The following MICAL2 variants were observed in gnomAD, a reference collection of about 807,000 sequenced individuals.
MICAL2 encodes [F-actin]-monooxygenase MICAL2.
Under a neutral mutation model 127.3 loss-of-function variants are expected in MICAL2, and 77 were observed. The observed-to-expected ratio is 0.60, with a 90% confidence interval of 0.50 to 0.73. MICAL2 has a LOEUF of 0.73. Among genes scored for constraint, MICAL2 ranks in the 30% least tolerant of loss-of-function variants. The pLI, the probability that MICAL2 is intolerant of heterozygous loss-of-function variation, is 0.00. For synonymous variants in MICAL2, 570 were observed against 551.1 expected (o/e 1.03, Z -0.48); for missense variants, 1,351 against 1,434.4 (o/e 0.94, Z 0.94).
At position 12,262,498 on chromosome 11, in the gene MICAL2, T is replaced by C. The variant is rs1216039570; in HGVS notation, c.3353T>C (p.Val1118Ala). 5.6e-6 allele frequency: 9 copies of C among 1,613,868 alleles called. No homozygotes were observed. The highest frequency in any genetic ancestry group is 7.6e-6 in the Non-Finnish European group (9 of 1,179,968). Residue 1118 changes from valine (V) to alanine (A), a missense_variant, in exon 27 of 28, where the codon GTG becomes GCG. This residue lies in a region of MICAL2 where 752 missense variants were observed against 719.4 expected (regional missense o/e 1.05). Transcript: ENST00000683283. ...GSPPVHFSLP[V>A]LHPLLG ...CCATCAGTTCATTTCAGCCTTCCAG[T>C]GCTACACCCACTTCTTGGCTGACAC... is the stretch of plus-strand genomic sequence containing the variant.
chr11:12,258,147 G>A (rs936694903), intron 24 of MICAL2, among the ~76,000 whole-genome samples: 2 of 152,118 alleles, frequency 1.3e-5, no homozygotes, highest in Non-Finnish European at 2.9e-5. Context: ...TGGGAGAAGG[G>A]GCTCAGAGCT....
At chr11:12,190,181 G>C (rs1410172642) in intron 3 of MICAL2, among the ~76,000 whole-genome samples, 2 of 152,120 alleles carry the variant, frequency 1.3e-5, no homozygotes, top group Non-Finnish European at 2.9e-5. Context: ...TGGAAGACAT[G>C]TGTGAGTTGC....
At chr11:12,212,060 A>G (rs1185458039) in intron 6 of MICAL2, among the ~76,000 whole-genome samples, 3 of 152,122 alleles carry the variant, frequency 2.0e-5, no homozygotes, top group African/African-American at 4.8e-5. Context: ...TGTCCCTCAT[A>G]GACAAAGAAG....
At chr11:12,350,013 G>A (rs1378002984) in intron 33 of MICAL2, 56 of 1,153,148 alleles carry the variant, frequency 4.9e-5, no homozygotes, top group Middle Eastern at 2.0e-4. Flanking sequence ...CTCCTAGGCC[G>A]AAGTCTCGGG....
downstream of MICAL2, chr11:12,294,358 T>G: frequency 6.2e-7 from 1 of 1,614,196 alleles, no homozygotes; most frequent in Non-Finnish European, 8.5e-7. Context: ...AGGCCTGCAC[T>G]CGCTCATTCA....
Position 12,165,434 on chromosome 11 carries a change from T to C in MICAL2, c.264+3015T>C, listed in dbSNP as rs186430350. ...TGTCATGGTTTATGCTGAGCATTAG[T>C]CAAGGAAGAAATGCTGGGCATTTGC... is the stretch of plus-strand genomic sequence containing the variant. On this transcript the variant is annotated intron_variant, in intron 3 of 27. Transcript: ENST00000683283. 9.4e-4 allele frequency among the ~76,000 whole-genome samples: 143 copies of C among 152,340 alleles called. No homozygotes were observed. In the Middle Eastern group the frequency reaches 0.017, roughly 18 times the overall value.
rs774979253 is a variant in MICAL2, at chr11:12,208,056, T to C, written c.506T>C (p.Val169Ala). 29 of 1,614,196 alleles carry C rather than the reference T, an allele frequency of 1.8e-5. No homozygotes were observed. In the South Asian group the frequency reaches 2.7e-4, roughly 15 times the overall value. ...IRQLQLILFK[V>A]ALMLGVEIHV... ...CAACTACAGCTCATCCTATTCAAGG[T>C]GGCCCTGATGCTGGGAGTTGAAATC... is the stretch of plus-strand genomic sequence containing the variant. The change falls in exon 5 of 28, where the codon GTG (valine) becomes GCG (alanine). Residue 169 changes from valine (V) to alanine (A), a missense_variant. Val to Ala is a moderately conservative substitution (Grantham distance 64). Transcript: ENST00000683283.
intron 2 of MICAL2, among the ~76,000 whole-genome samples, chr11:12,144,614 T>G (rs1206774293): frequency 6.6e-6 from 1 of 152,130 alleles, no homozygotes; most frequent in Non-Finnish European, 1.5e-5. Flanking sequence ...CAACCATAAA[T>G]TGCAACGGTT....
At chr11:12,203,290 G>T (rs1364412168) in intron 3 of MICAL2, among the ~76,000 whole-genome samples, 1 of 152,172 alleles carries the variant, frequency 6.6e-6, no homozygotes. Context: ...GAGTGGAATT[G>T]CTAGCTCCTG....
downstream of MICAL2, among the ~76,000 whole-genome samples, chr11:12,293,010 G>T (rs1018422526): frequency 2.0e-5 from 3 of 152,192 alleles, no homozygotes; most frequent in African/African-American, 7.2e-5. Context: ...AAGGGTCATT[G>T]AAAGGTCTTA....
At chr11:12,283,369 A>G (rs1863791937) in intron 2 of MICAL2, among the ~76,000 whole-genome samples, 1 of 150,096 alleles carries the variant, frequency 6.7e-6, no homozygotes. Flanking sequence ...AAAAGACTCT[A>G]CGTTGGTCCA....
chr11:12,214,580 A>G (rs1329450053), intron 7 of MICAL2, among the ~76,000 whole-genome samples: 3 of 152,246 alleles, frequency 2.0e-5, no homozygotes, highest in Non-Finnish European at 4.4e-5. Context: ...ATGGCTGGCC[A>G]CATGGTTCTA....
rs552604458 is a variant in MICAL2, at chr11:12,227,098, C to T, written c.1962C>T (p.Leu654=). The T allele has an allele frequency of 1.5e-4, 245 of 1,614,046 alleles. 4 individuals are homozygous for T. In the South Asian group the frequency reaches 2.6e-3, roughly 17 times the overall value. ...LAKSSISNNY[L]NLTFPRKRTP... is the part of the protein sequence containing the mutation. ...AATCATCCATTTCTAATAACTATCTCAACCTCACATTTCCAAGGAAGAGGA... is the reference window on the plus strand; with the variant it reads ...AATCATCCATTTCTAATAACTATCTTAACCTCACATTTCCAAGGAAGAGGA... The change falls in exon 15 of 28, where the codon CTC becomes CTT. Residue 654 remains leucine (L), a synonymous_variant. Coordinates refer to ENST00000683283, the MANE Select transcript of MICAL2 (RefSeq NM_001282663.2).
chr11:12,296,456 A>G (rs952534039), downstream of MICAL2, among the ~76,000 whole-genome samples: 14 of 151,044 alleles, frequency 9.3e-5, no homozygotes, highest in Admixed American at 2.0e-4. Context: ...TTAATAAACT[A>G]TTAAACTTTA....
chr11:12,266,287 C>T (rs889919368), downstream of MICAL2, among the ~76,000 whole-genome samples: 2 of 152,156 alleles, frequency 1.3e-5, no homozygotes, highest in African/African-American at 4.8e-5. Context: ...GGGCTCTGAC[C>T]TCTTGGCCTA....
At chr11:12,359,803 C>T (rs1320477194), downstream of MICAL2, among the ~76,000 whole-genome samples, 1 of 152,136 alleles carries the variant, frequency 6.6e-6, no homozygotes, top group African/African-American at 2.4e-5. Flanking sequence ...CACTAAAGAA[C>T]TCTTGGTTGT....
intron 4 of MICAL2, among the ~76,000 whole-genome samples, chr11:12,204,720 G>T (rs1565157514): frequency 6.6e-6 from 1 of 152,192 alleles, no homozygotes; most frequent in Non-Finnish European, 1.5e-5. Flanking sequence ...ATGAAAGAGT[G>T]CTTGACTCAT....
At chr11:12,255,082 C>T (rs2134639634) in intron 22 of MICAL2, 1 of 153,584 alleles carries the variant, frequency 6.5e-6, no homozygotes, top group East Asian at 1.9e-4. Flanking sequence ...CCATGCCTGG[C>T]TAATTTTGTG....
intron 29 of MICAL2, among the ~76,000 whole-genome samples, chr11:12,319,474 G>A (rs1198052960): frequency 1.3e-5 from 2 of 150,478 alleles, no homozygotes; most frequent in African/African-American, 4.9e-5. Flanking sequence ...TGAAAAGAGA[G>A]CTGCAAAGCT....
Sources: allele counts gnomAD v4.1 joint callset (sites outside exome capture counted in the v4.1 genomes callset), GRCh38; gene constraint gnomAD v4.1.1; regional missense constraint gnomAD v4.1.1; transcripts MANE v1.5; gene names NCBI Gene and HGNC (gene_info 2026-07-23, HGNC 2026-07-21).